The following TCERG1 variants were observed in gnomAD, a reference collection of about 807,000 sequenced individuals.
TCERG1 encodes transcription elongation regulator 1.
TCERG1 carries 37 observed loss-of-function variants against 144.7 expected under a neutral mutation model. The observed-to-expected ratio is 0.26, with a 90% CI of 0.20 to 0.34. The LOEUF (loss-of-function observed/expected upper bound fraction) is 0.34, where lower values mean the gene tolerates loss of function less well. Ranked by LOEUF, TCERG1 falls within the 10% of genes least tolerant of loss-of-function variation. The pLI is 1.00. For missense variants in TCERG1, 1,027 were observed against 1,380.7 expected, an observed-to-expected ratio of 0.74 and a Z score of 4.06; for synonymous variants, 492 against 458.2, an observed-to-expected ratio of 1.07 and a Z score of -0.94.
rs776295046 is a variant in TCERG1, at chr5:146,457,156, A to G, written c.286-27A>G. On this transcript the variant is annotated intron_variant, in intron 2 of 22. Transcript: ENST00000679501. Reference sequence around the variant, plus strand: ...ATTTGGAGGAAAAGTAATTAAAGTGACCATTACTGTTTTTGTGAATTAACA... The same window carrying G: ...ATTTGGAGGAAAAGTAATTAAAGTGGCCATTACTGTTTTTGTGAATTAACA... 9 of 1,603,620 alleles carry G rather than the reference A, an allele frequency of 5.6e-6. No individual in the cohort carries two copies. In the South Asian group the frequency reaches 9.0e-5, roughly 16 times the overall value.
At chr5:146,497,165 C>T (rs557418613) in intron 16 of TCERG1, among the ~76,000 whole-genome samples, 98 of 151,868 alleles carry the variant, frequency 6.5e-4, no homozygotes, top group Non-Finnish European at 1.0e-3. Context: ...AGCCACCACA[C>T]TATGTTTTTT....
At chr5:146,501,726 A>G (rs1206001140) in intron 17 of TCERG1, among the ~76,000 whole-genome samples, 1 of 152,138 alleles carries the variant, frequency 6.6e-6, no homozygotes, top group Non-Finnish European at 1.5e-5. Context: ...GTCTGGAAAT[A>G]CTGGGTTTAT....
At chr5:146,504,172 A>G in intron 19 of TCERG1, 166 bp downstream of exon 19, 1 of 626,670 alleles carries the variant, frequency 1.6e-6, no homozygotes, top group Non-Finnish European at 2.4e-6. Context: ...TTAGTATAGG[A>G]AAAAACCCAA....
chr5:146,492,628 T>C (rs1247635479), intron 15 of TCERG1, among the ~76,000 whole-genome samples: 2 of 152,212 alleles, frequency 1.3e-5, no homozygotes, highest in Non-Finnish European at 2.9e-5. Context: ...CTTCCGCATT[T>C]CTAAATTTCT....
intron 10 of TCERG1, among the ~76,000 whole-genome samples, chr5:146,478,944 T>C (rs2150512025): frequency 6.6e-6 from 1 of 152,322 alleles, no homozygotes; most frequent in Non-Finnish European, 1.5e-5. Context: ...TTAGTGCTTA[T>C]CAATACTACT....
Position 146,509,195 on chromosome 5 carries a change from C to T in TCERG1, c.3096C>T (p.Ala1032=), listed in dbSNP as rs1307887487. Residue 1032 remains alanine, a synonymous_variant, in exon 22 of 23, where the codon GCC becomes GCT. Transcript: ENST00000679501. ...EEYIRDKYIT[A]KADFRTLLKE... ...ATATCAGAGACAAATATATCACAGC[C>T]AAAGCTGACTTCAGGACGCTTTTGA... 42 of 1,608,512 alleles carry T rather than the reference C, an allele frequency of 2.6e-5. No homozygotes were observed. The highest frequency in any genetic ancestry group is 3.4e-5 in the Non-Finnish European group (40 of 1,177,992).
chr5:146,509,098 A>T, intron 21 of TCERG1, 47 bp from the exon 22 acceptor site: 1 of 1,075,230 alleles, frequency 9.3e-7, no homozygotes, highest in Non-Finnish European at 1.4e-6. Context: ...TTTTGGAATT[A>T]GTGGGTTTTA....
In TCERG1 at chr5:146,470,673, A is replaced by G; in HGVS notation, c.1437A>G (p.Glu479=). The G allele has an allele frequency of 6.2e-7, 1 of 1,612,154 alleles. No homozygotes were observed. The highest frequency in any genetic ancestry group is 8.5e-7 in the Non-Finnish European group (1 of 1,179,558). Residue 479 remains glutamate, a synonymous_variant, in exon 8 of 23, where the codon GAA becomes GAG. Transcript: ENST00000679501. Reference sequence around the variant, plus strand: ...AGAAGATTAAAGAGCCAATTAAAGAACCCTCTGAAGAGCCTCTGCCAATGG... The same window carrying G: ...AGAAGATTAAAGAGCCAATTAAAGAGCCCTCTGAAGAGCCTCTGCCAATGG... ...LEEKIKEPIK[E]PSEEPLPMET...
At position 146,498,652 on chromosome 5, in the gene TCERG1, A is replaced by G. The variant is rs762869473; in HGVS notation, c.2399A>G (p.Lys800Arg). The change falls in exon 17 of 23, where the codon AAA (lysine) becomes AGA (arginine). Residue 800 changes from lysine (K) to arginine (R), a missense_variant. Physicochemically the swap from Lys to Arg is conservative, Grantham distance 26. Transcript: ENST00000679501. The part of the protein sequence containing the change: ...FNEFVAAARK[K>R]EKEDSKTRGE... ...GAGTTTGTGGCCGCTGCTAGGAAGA[A>G]AGAGAAAGAAGATTCGAAGACCAGA... 1.9e-6 allele frequency: 3 copies of G among 1,612,098 alleles called. No homozygotes were observed. In the South Asian group the frequency reaches 3.3e-5, roughly 18 times the overall value.
At chr5:146,504,977 C>G (rs978946510) in intron 19 of TCERG1, among the ~76,000 whole-genome samples, 3 of 151,302 alleles carry the variant, frequency 2.0e-5, no homozygotes, top group African/African-American at 7.3e-5. Flanking sequence ...ACCTGGGAGG[C>G]GGAGGCTGCC....
At chr5:146,460,602 C>A (rs934406727) in intron 4 of TCERG1, among the ~76,000 whole-genome samples, 1 of 151,664 alleles carries the variant, frequency 6.6e-6, no homozygotes, top group African/African-American at 2.4e-5. Flanking sequence ...GTAAGAAATA[C>A]GTATAAGAGA....
chr5:146,503,643 T>C, intron 18 of TCERG1, 104 bp downstream of exon 18: 1 of 1,445,286 alleles, frequency 6.9e-7, no homozygotes, highest in Admixed American at 2.2e-5. Context: ...GTTTGGATTT[T>C]TTCTTGTTAG....
At chr5:146,456,245 T>C (rs946626996) in intron 2 of TCERG1, among the ~76,000 whole-genome samples, 1 of 152,222 alleles carries the variant, frequency 6.6e-6, no homozygotes, top group African/African-American at 2.4e-5. Context: ...GTTTTATATT[T>C]GCTTCAAGGT....
At position 146,510,740 on chromosome 5, in the gene TCERG1, A is replaced by G; in HGVS notation, c.*98A>G. ...TGTGCATTAGTCAACCTATTGCGAAACCATCTGACAAACAGAAGGAGAAGC... is the reference window on the plus strand; with the variant it reads ...TGTGCATTAGTCAACCTATTGCGAAGCCATCTGACAAACAGAAGGAGAAGC... On this transcript the variant is annotated 3_prime_UTR_variant, in exon 23 of 23. Transcript: ENST00000679501. 1.8e-6 allele frequency: 2 copies of G among 1,132,516 alleles called. No individual in the cohort carries two copies. The highest frequency in any genetic ancestry group is 2.4e-6 in the Non-Finnish European group (2 of 817,062). 70.2% of individuals were successfully genotyped at this position (1,132,516 alleles called of 1,614,324 possible). A position where few individuals can be genotyped will look rare whatever the true frequency, so the allele number is the denominator to read the frequency against.
chr5:146,492,701 T>C (rs989343674), intron 15 of TCERG1, among the ~76,000 whole-genome samples: 6 of 152,164 alleles, frequency 3.9e-5, no homozygotes, highest in Admixed American at 3.9e-4. Flanking sequence ...CTTTTTGCTG[T>C]TTTCTTTTGT....
chr5:146,467,928 G>A (rs76532026), intron 5 of TCERG1, among the ~76,000 whole-genome samples: 70 of 152,246 alleles, frequency 4.6e-4, no homozygotes, highest in African/African-American at 1.2e-3. Context: ...CAACTTAGCG[G>A]CAGCATAGAG....
At chr5:146,466,807 G>A (rs1190239720) in intron 5 of TCERG1, among the ~76,000 whole-genome samples, 2 of 152,150 alleles carry the variant, frequency 1.3e-5, no homozygotes, top group Non-Finnish European at 2.9e-5. Context: ...TGTATGAATA[G>A]ATTTGATTTT....
chr5:146,503,776 A>G, intron 18 of TCERG1, 48 bp from the exon 19 acceptor site: 2 of 1,531,968 alleles, frequency 1.3e-6, no homozygotes, highest in Non-Finnish European at 8.7e-7. Flanking sequence ...GTAAAAACAT[A>G]TTTTGATGGA....
chr5:146,486,751 C>T (rs976119108), intron 15 of TCERG1, among the ~76,000 whole-genome samples: 2 of 151,990 alleles, frequency 1.3e-5, no homozygotes, highest in African/African-American at 4.8e-5. Context: ...TATGGAAAAA[C>T]CTAAAGATGC....
Sources: allele counts gnomAD v4.1 joint callset (sites outside exome capture counted in the v4.1 genomes callset), GRCh38; gene constraint gnomAD v4.1.1; transcripts MANE v1.5; gene names NCBI Gene and HGNC (gene_info 2026-07-23, HGNC 2026-07-21).